OR4C6: variants seen among roughly 807,000 people sequenced by gnomAD.
The protein encoded by OR4C6 is olfactory receptor 4C6.
A neutral mutation model predicts 13.9 loss-of-function variants in OR4C6; 20 were observed. The ratio of observed to expected loss-of-function variants is 1.43; its 90% CI spans 1.01 to 2.08. The LOEUF (loss-of-function observed/expected upper bound fraction) is 2.08. OR4C6 is among the 30% of genes most tolerant of loss of function. OR4C6 has a pLI of 0.00. For synonymous variants in OR4C6, 193 were observed against 141.5 expected, an observed-to-expected ratio of 1.36 and a Z score of -2.58; for missense variants, 555 against 381.2, an observed-to-expected ratio of 1.46 and a Z score of -3.80.
chr11:55,665,538 C>A lies in OR4C6; in HGVS notation c.372C>A (p.Ile124=). The part of the protein sequence containing the change: ...TVMAYDRYVA[I]CKPLHYTIIM... ...TGGCCTATGACCGCTACGTGGCCAT[C>A]TGTAAGCCCCTGCACTACACGATCA... Residue 124 remains isoleucine, a synonymous_variant, in exon 2 of 2, where the codon ATC becomes ATA. Coordinates refer to ENST00000314259, the MANE Select transcript of OR4C6 (RefSeq NM_001004704.2). The A allele has an allele frequency of 6.2e-7, 1 of 1,613,892 alleles. No homozygotes were observed. Among genetic ancestry groups the A allele is most frequent in the South Asian group, 1.1e-5 (1 of 91,080 alleles).
Position 55,666,091 on chromosome 11 carries a change from A to G in OR4C6, c.925A>G (p.Lys309Glu). 3 of 1,602,156 alleles carry G rather than the reference A, an allele frequency of 1.9e-6. No individual in the cohort carries two copies. The highest frequency in any genetic ancestry group is 2.6e-6 in the Non-Finnish European group (3 of 1,171,648). ...LWMKWEALAG[K>E] ...GATGAAATGGGAGGCTTTGGCTGGG[A>G]AATAACTGCAATGCTGAGAACATCA... is the stretch of plus-strand genomic sequence containing the variant. Residue 309 changes from lysine (K) to glutamate (E), a missense_variant, in exon 2 of 2, where the codon AAA (lysine) becomes GAA (glutamate). Coordinates refer to ENST00000314259, the MANE Select transcript of OR4C6 (RefSeq NM_001004704.2).
In OR4C6 at chr11:55,666,074, G is replaced by A. The variant is rs1429134194; in HGVS notation, c.908G>A (p.Trp303Ter). Residue 303 changes from tryptophan (W) to a stop codon, truncating the protein, a stop_gained, in exon 2 of 2, where the codon TGG (tryptophan) becomes TAG (stop). Coordinates refer to ENST00000314259, the MANE Select transcript of OR4C6 (RefSeq NM_001004704.2). LOFTEE classifies it high-confidence loss of function. ...GCCATGAAGAAACTCTGGATGAAAT[G>A]GGAGGCTTTGGCTGGGAAATAACTG... is the stretch of plus-strand genomic sequence containing the variant. ...KSAMKKLWMK[W>*]EALAGK 1.1e-5 allele frequency: 17 copies of A among 1,611,492 alleles called. No individual in the cohort carries two copies. The highest frequency in any genetic ancestry group is 1.3e-5 in the African/African-American group (1 of 74,684).
rs748307005 is a variant in OR4C6, at chr11:55,665,686, C to G, written c.520C>G (p.His174Asp). 2 of 1,613,904 alleles carry G rather than the reference C, an allele frequency of 1.2e-6. No homozygotes were observed. Among genetic ancestry groups the G allele is most frequent in the East Asian group, 4.5e-5 (2 of 44,872 alleles). Reference sequence around the variant, plus strand: ...CTTCTGTGGTCCTAATATCATAGATCACTTTATATGTGATTTGTTTCAGTT... The same window carrying G: ...CTTCTGTGGTCCTAATATCATAGATGACTTTATATGTGATTTGTTTCAGTT... ...IPFCGPNIID[H>D]FICDLFQLLT... The change falls in exon 2 of 2, where the codon CAC becomes GAC. Residue 174 changes from histidine to aspartate, a missense_variant. Transcript: ENST00000314259.
At chr11:55,665,066 C>T (rs1309738369) in intron 1 of OR4C6, 59 bp from the exon 2 acceptor site, 1 of 723,046 alleles carries the variant, frequency 1.4e-6, no homozygotes, top group African/African-American at 1.8e-5. Context: ...TCCCTGAGGT[C>T]CTGGAAATAC....
chr11:55,664,660 G>A (rs191288398), intron 1 of OR4C6, among the ~76,000 whole-genome samples: 2 of 151,980 alleles, frequency 1.3e-5, no homozygotes, highest in African/African-American at 4.8e-5. Context: ...GATATTTGAG[G>A]GTACTGATTC....
chr11:55,664,544 TTCA>T (rs1288667121), intron 1 of OR4C6, among the ~76,000 whole-genome samples: 6 of 152,106 alleles, frequency 3.9e-5, no homozygotes, highest in Non-Finnish European at 8.8e-5. Context: ...AATAACCTAC[TTCA>T]TCACATTATT....
intron 1 of OR4C6, among the ~76,000 whole-genome samples, chr11:55,662,735 G>A (rs1437517218): frequency 7.3e-6 from 1 of 137,486 alleles, no homozygotes; most frequent in Admixed American, 8.0e-5. Context: ...AAACCAACAC[G>A]AATACTGCAC....
rs1858734556 is a variant in OR4C6, at chr11:55,665,634, A to G, written c.468A>G (p.Ile156Met). ...TGGGGGGATTTATGCACGCAATGATACAACTTCTCTTCATGTATCAAATAC... is the reference window on the plus strand; with the variant it reads ...TGGGGGGATTTATGCACGCAATGATGCAACTTCTCTTCATGTATCAAATAC... ...AWVGGFMHAM[I>M]QLLFMYQIPF... The change falls in exon 2 of 2, where the codon ATA becomes ATG. Residue 156 changes from isoleucine (I) to methionine (M), a missense_variant. Transcript: ENST00000314259. The G allele has an allele frequency of 1.2e-6, 2 of 1,613,798 alleles. No individual in the cohort carries two copies.
Position 55,665,454 on chromosome 11 carries a change from C to T in OR4C6, c.288C>T (p.Leu96=). Residue 96 remains leucine (L), a synonymous_variant, in exon 2 of 2, where the codon CTC becomes CTT. Transcript: ENST00000314259. The part of the protein sequence containing the change: ...KSTTISLKGC[L]TQLFVEHFFG... ...CTACCATCTCTCTCAAAGGCTGCCT[C>T]ACCCAGCTGTTTGTGGAGCATTTCT... 1 of 1,613,866 alleles carries T rather than the reference C, an allele frequency of 6.2e-7. No individual in the cohort carries two copies. The highest frequency in any genetic ancestry group is 8.5e-7 in the Non-Finnish European group (1 of 1,179,982).
chr11:55,664,251 C>T (rs780598362), intron 1 of OR4C6, among the ~76,000 whole-genome samples: 15 of 151,962 alleles, frequency 9.9e-5, no homozygotes, highest in Non-Finnish European at 1.3e-4. Flanking sequence ...CATTGTTAGC[C>T]TAAAAGCTAA....
chr11:55,662,821 G>A (rs967126012), intron 1 of OR4C6, among the ~76,000 whole-genome samples: 2 of 138,606 alleles, frequency 1.4e-5, no homozygotes, highest in African/African-American at 5.0e-5. Context: ...ATACTGGGGC[G>A]CTGTGAGGCA....
intron 1 of OR4C6, among the ~76,000 whole-genome samples, chr11:55,663,861 G>C (rs1382964420): frequency 7.3e-6 from 1 of 137,748 alleles, no homozygotes; most frequent in African/African-American, 2.5e-5. Context: ...ATTAACAGAG[G>C]GGCATAATCC....
chr11:55,663,926 G>A (rs997064053), intron 1 of OR4C6, among the ~76,000 whole-genome samples: 3 of 138,022 alleles, frequency 2.2e-5, no homozygotes, highest in African/African-American at 7.6e-5. Flanking sequence ...TGGCATCCAG[G>A]TCTGCTTTAT....
rs764892405 is a variant in OR4C6, at chr11:55,665,740, A to C, written c.574A>C (p.Ile192Leu). ...LLTLACTDTH[I>L]LGLLVTLNSG... ...GACACTTGCCTGCACGGACACCCAC[A>C]TCCTGGGCCTCTTAGTTACCCTCAA... The change falls in exon 2 of 2, where the codon ATC becomes CTC. Residue 192 changes from isoleucine (I) to leucine (L), a missense_variant. Ile to Leu is a conservative substitution (Grantham distance 5, BLOSUM62 2). Coordinates refer to ENST00000314259, the MANE Select transcript of OR4C6 (RefSeq NM_001004704.2). The C allele has an allele frequency of 1.9e-5, 31 of 1,613,830 alleles. No individual in the cohort carries two copies. Among genetic ancestry groups the C allele is most frequent in the Non-Finnish European group, 2.6e-5 (31 of 1,180,004 alleles).
rs186472801 is a variant in OR4C6, at chr11:55,665,281, G to T, written c.115G>T (p.Glu39Ter). ...TGTCATGTATGTAGCCACAGTGCTG[G>T]AAAATCTACTTATTGTGGTAACTAT... ...FLVMYVATVL[E>*]NLLIVVTIIT... The change falls in exon 2 of 2, where the codon GAA becomes TAA. Residue 39 changes from glutamate (E) to a stop codon, truncating the protein, a stop_gained. Coordinates refer to ENST00000314259, the MANE Select transcript of OR4C6 (RefSeq NM_001004704.2). LOFTEE classifies it high-confidence loss of function. The T allele has an allele frequency of 6.2e-7, 1 of 1,613,228 alleles. No homozygotes were observed. The highest frequency in any genetic ancestry group is 1.7e-5 in the Admixed American group (1 of 60,006).
intron 1 of OR4C6, among the ~76,000 whole-genome samples, chr11:55,664,705 A>C (rs1222973937): frequency 6.6e-6 from 1 of 152,038 alleles, no homozygotes; most frequent in Admixed American, 6.6e-5. Context: ...TTCTAGCTTC[A>C]CTACTGAAGA....
At chr11:55,663,010 A>G (rs1400506711) in intron 1 of OR4C6, among the ~76,000 whole-genome samples, 3 of 138,968 alleles carry the variant, frequency 2.2e-5, no homozygotes, top group Admixed American at 1.6e-4. Flanking sequence ...GCCCATAATC[A>G]GTAAGTAATA....
chr11:55,662,355 C>T (rs1188493536), intron 1 of OR4C6, 107 bp downstream of exon 1: 2 of 138,030 alleles, frequency 1.4e-5, no homozygotes, highest in African/African-American at 2.5e-5. Flanking sequence ...GAAATAGCAA[C>T]CAGACTCTAG....
chr11:55,663,951 T>A (rs1858700497), intron 1 of OR4C6, among the ~76,000 whole-genome samples: 2 of 138,368 alleles, frequency 1.4e-5, no homozygotes, highest in African/African-American at 5.0e-5. Flanking sequence ...CCTAGTAATA[T>A]GAGGCATTCT....
Sources: allele counts gnomAD v4.1 joint callset (sites outside exome capture counted in the v4.1 genomes callset), GRCh38; gene constraint gnomAD v4.1.1; transcripts MANE v1.5; gene names NCBI Gene and HGNC (gene_info 2026-07-23, HGNC 2026-07-21).